CORO7: variants seen among roughly 807,000 people sequenced by gnomAD.
The protein encoded by CORO7 is coronin-7.
Under a neutral mutation model 126.6 loss-of-function variants are expected in CORO7, and 107 were observed. The ratio of observed to expected loss-of-function variants is 0.85; its 90% CI spans 0.72 to 0.99. The LOEUF (loss-of-function observed/expected upper bound fraction) is 0.99. Ranked by LOEUF, CORO7 falls within the 50% of genes least tolerant of loss-of-function variation. The probability of loss-of-function intolerance (pLI) is 0.00; values close to 1 mark genes in which losing one functional copy is unlikely to be tolerated. For missense variants in CORO7, 1,314 were observed against 1,255.8 expected (o/e 1.05, Z -0.70); for synonymous variants, 603 against 536.8 (o/e 1.12, Z -1.70).
At chr16:4,396,508 T>C (rs1263889961) in intron 6 of CORO7, among the ~76,000 whole-genome samples, 1 of 152,204 alleles carries the variant, frequency 6.6e-6, no homozygotes, top group East Asian at 1.9e-4. Context: ...TACCCAACTA[T>C]CATACAGCCC....
intron 9 of CORO7, among the ~76,000 whole-genome samples, chr16:4,369,570 G>A (rs1420258650): frequency 6.6e-6 from 1 of 152,186 alleles, no homozygotes; most frequent in Non-Finnish European, 1.5e-5. Flanking sequence ...AGTACCAACT[G>A]GGAGGCACGA....
chr16:4,360,159 C>G, intron 21 of CORO7, 119 bp downstream of exon 21: 2 of 1,321,774 alleles, frequency 1.5e-6, no homozygotes, highest in East Asian at 2.5e-5. Context: ...ACCCACCCAC[C>G]CAACCATCCA....
chr16:4,359,188 C>A, intron 23 of CORO7, 108 bp downstream of exon 23: 1 of 1,266,272 alleles, frequency 7.9e-7, no homozygotes. Context: ...AGCCCCAGCC[C>A]AGGACTCTGA....
At chr16:4,386,743 C>A (rs1026266362) in intron 9 of CORO7, among the ~76,000 whole-genome samples, 3 of 152,214 alleles carry the variant, frequency 2.0e-5, no homozygotes, top group Non-Finnish European at 4.4e-5. Flanking sequence ...TAAAATGGGC[C>A]TTGCCAGCTT....
chr16:4,395,371 G>C (rs750870756), intron 6 of CORO7, 32 bp from the exon 7 acceptor site: 2 of 1,613,726 alleles, frequency 1.2e-6, no homozygotes, highest in Non-Finnish European at 1.7e-6. Flanking sequence ...AACAACTTGC[G>C]ATTAGGGCTG....
chr16:4,396,042 C>T (rs984701756), intron 6 of CORO7, among the ~76,000 whole-genome samples: 2 of 151,238 alleles, frequency 1.3e-5, no homozygotes, highest in African/African-American at 4.9e-5. Context: ...AGAACCAGGG[C>T]ACAATCTGTA....
intron 10 of CORO7, among the ~76,000 whole-genome samples, chr16:4,365,264 G>A (rs1017145625): frequency 9.9e-5 from 15 of 152,200 alleles, no homozygotes; most frequent in Admixed American, 2.0e-4. Context: ...CATGGGGTGA[G>A]CACCGGGGGT....
chr16:4,410,179 C>A (rs1370816593), intron 3 of CORO7, among the ~76,000 whole-genome samples: 1 of 152,150 alleles, frequency 6.6e-6, no homozygotes, highest in Non-Finnish European at 1.5e-5. Flanking sequence ...AATCTCAGCA[C>A]TTTGGGAGGC....
At chr16:4,415,985 A>G (rs2141345479) in intron 1 of CORO7, 1 of 657,270 alleles carries the variant, frequency 1.5e-6, no homozygotes. Flanking sequence ...CCTCCCCACC[A>G]CTGACACACT....
At chr16:4,412,498 C>G in intron 2 of CORO7, 68 bp from the exon 3 acceptor site, 1 of 1,555,546 alleles carries the variant, frequency 6.4e-7, no homozygotes, top group Non-Finnish European at 8.8e-7. Flanking sequence ...GCCCAGGGAT[C>G]CCAGAGATGA....
At chr16:4,383,129 G>A (rs1000293207) in intron 9 of CORO7, 12 of 534,836 alleles carry the variant, frequency 2.2e-5, no homozygotes. Flanking sequence ...TGCCTATGAG[G>A]ACAGTGTCCG....
intron 6 of CORO7, among the ~76,000 whole-genome samples, chr16:4,402,846 C>T (rs1212182256): frequency 6.6e-6 from 1 of 152,190 alleles, no homozygotes; most frequent in African/African-American, 2.4e-5. Context: ...AGCGCGCCCC[C>T]TAGCGGCCTC....
intron 9 of CORO7, chr16:4,381,396 G>T: frequency 6.3e-7 from 1 of 1,588,150 alleles, no homozygotes; most frequent in South Asian, 1.1e-5. Flanking sequence ...GCCTGCTGCT[G>T]CTGGACCTCA....
intron 3 of CORO7, among the ~76,000 whole-genome samples, chr16:4,411,151 A>T (rs1256273185): frequency 1.3e-5 from 2 of 152,224 alleles, no homozygotes; most frequent in African/African-American, 4.8e-5. Flanking sequence ...AAACTTTGGG[A>T]GGCCAAGGCG....
chr16:4,357,350 T>A, intron 25 of CORO7, 91 bp from the exon 26 acceptor site: 2 of 1,232,122 alleles, frequency 1.6e-6, no homozygotes, highest in Non-Finnish European at 2.1e-6. Flanking sequence ...TTCTTTTCTT[T>A]CTTTCTTTTT....
chr16:4,416,575 T>G lies in CORO7; in HGVS notation c.-57A>C, dbSNP rs2056420687. ...AGGACCCCGGGCGTCGGGTCTCAGG[T>G]GCACGCTGAGCAACCGCGACTCCCG... On this transcript the variant is annotated 5_prime_UTR_variant, in exon 1 of 28. Transcript: ENST00000251166. The G allele has an allele frequency of 6.4e-7, 1 of 1,557,496 alleles. No individual in the cohort carries two copies. Among genetic ancestry groups the G allele is most frequent in the Non-Finnish European group, 8.6e-7 (1 of 1,157,252 alleles).
intron 1 of CORO7, chr16:4,416,034 C>T (rs2056398551): frequency 2.9e-6 from 1 of 344,246 alleles, no homozygotes; most frequent in African/African-American, 2.2e-5. Flanking sequence ...GGCGTCTCCC[C>T]ACAGCCCAGC....
chr16:4,401,369 T>G (rs1335645421), intron 6 of CORO7, among the ~76,000 whole-genome samples: 2 of 152,150 alleles, frequency 1.3e-5, no homozygotes, highest in African/African-American at 4.8e-5. Flanking sequence ...GGAGAGGGCC[T>G]CAAAAGCCAG....
chr16:4,407,495 C>G lies in CORO7; in HGVS notation c.487+6G>C, dbSNP rs2056043423. 6.4e-7 allele frequency: 1 copy of G among 1,563,196 alleles called. No homozygotes were observed. Among genetic ancestry groups the G allele is most frequent in the African/African-American group, 1.4e-5 (1 of 73,654 alleles). On this transcript the variant is annotated splice_donor_region_variant and intron_variant, in intron 5 of 27. Transcript: ENST00000251166. Reference sequence around the variant, plus strand: ...CCTGGGAAGGGCAGGCCAGGGTGGCCTGTACCTGTCAGGGGCTGCTGCTTG... The same window carrying G: ...CCTGGGAAGGGCAGGCCAGGGTGGCGTGTACCTGTCAGGGGCTGCTGCTTG...
Sources: gnomAD v4.1 joint callset for allele counts (sites outside exome capture counted in the v4.1 genomes callset) on GRCh38, gnomAD v4.1.1 for gene constraint, MANE v1.5 for transcripts, NCBI Gene and HGNC (gene_info 2026-07-23, HGNC 2026-07-21) for gene names.